The following SUPT3H variants were observed in gnomAD, a reference collection of about 807,000 sequenced individuals.
SUPT3H encodes SPT3 homolog, SAGA and STAGA complex component, also known as transcription initiation protein SPT3 homolog.
In SUPT3H, 44 loss-of-function variants were observed where a neutral mutation model predicts 44.3. That is an observed-to-expected ratio of 0.99 (90% CI 0.78 to 1.28). The LOEUF (loss-of-function observed/expected upper bound fraction) is 1.28. SUPT3H is among the 50% of genes most tolerant of loss of function. The pLI, the probability that SUPT3H is intolerant of heterozygous loss-of-function variation, is 0.00. For synonymous variants in SUPT3H, 124 were observed against 125.6 expected (o/e 0.99, Z 0.09); for missense variants, 380 against 387.1 (o/e 0.98, Z 0.15).
intron 2 of SUPT3H, among the ~76,000 whole-genome samples, chr6:45,260,434 T>C (rs916525063): frequency 3.9e-5 from 6 of 152,026 alleles, no homozygotes; most frequent in African/African-American, 7.2e-5. Context: ...AAAAAATCAA[T>C]GTACCTTTAA....
intron 3 of SUPT3H, among the ~76,000 whole-genome samples, chr6:45,073,508 C>A (rs1039149491): frequency 1.3e-5 from 2 of 151,888 alleles, no homozygotes; most frequent in African/African-American, 4.8e-5. Context: ...TTATGGCGAA[C>A]TGATAAAATA....
intron 6 of SUPT3H, among the ~76,000 whole-genome samples, chr6:44,975,207 T>A (rs1049128856): frequency 6.6e-6 from 1 of 150,618 alleles, no homozygotes; most frequent in Non-Finnish European, 1.5e-5. Flanking sequence ...GACGACCAGT[T>A]TATAGCTTTT....
intron 2 of SUPT3H, among the ~76,000 whole-genome samples, chr6:45,302,693 G>C (rs1189377952): frequency 6.6e-6 from 1 of 151,482 alleles, no homozygotes; most frequent in Non-Finnish European, 1.5e-5. Context: ...TTTTCCTCTG[G>C]GTAGATACCC....
intron 10 of SUPT3H, among the ~76,000 whole-genome samples, chr6:44,917,331 G>A (rs764064310): frequency 3.3e-5 from 5 of 152,132 alleles, no homozygotes; most frequent in Non-Finnish European, 5.9e-5. Flanking sequence ...AAATGAGACT[G>A]TATTTGAGAC....
At chr6:45,339,048 AAT>A (rs898806283) in intron 2 of SUPT3H, among the ~76,000 whole-genome samples, 1 of 152,180 alleles carries the variant, frequency 6.6e-6, no homozygotes, top group African/African-American at 2.4e-5. Flanking sequence ...TAAAAATAAG[AAT>A]ATTTACATTA....
intron 9 of SUPT3H, among the ~76,000 whole-genome samples, chr6:44,950,248 A>G (rs1466751615): frequency 6.6e-6 from 1 of 152,190 alleles, no homozygotes; most frequent in Non-Finnish European, 1.5e-5. Context: ...TCCTTTAGAC[A>G]TGCTCCACTG....
chr6:45,082,479 A>C (rs960076207), intron 3 of SUPT3H, among the ~76,000 whole-genome samples: 1 of 64,368 alleles, frequency 1.6e-5, no homozygotes, highest in Non-Finnish European at 2.9e-5. Context: ...CCTGAGATGC[A>C]ATGTTTGTTC....
chr6:44,864,605 G>C (rs1775196730), intron 10 of SUPT3H, among the ~76,000 whole-genome samples: 1 of 152,204 alleles, frequency 6.6e-6, no homozygotes, highest in Admixed American at 6.5e-5. Context: ...CCACGTGGCA[G>C]CTGCCAAGGC....
At chr6:45,171,713 C>CTTATTTT (rs1810794583) in intron 2 of SUPT3H, among the ~76,000 whole-genome samples, 1 of 93,474 alleles carries the variant, frequency 1.1e-5, no homozygotes, top group African/African-American at 4.5e-5. Context: ...ATTCCACTTG[C>CTTATTTT]TTTTTTTTTT....
At chr6:45,282,553 CA>C (rs1472349285) in intron 2 of SUPT3H, among the ~76,000 whole-genome samples, 2 of 152,054 alleles carry the variant, frequency 1.3e-5, no homozygotes, top group Admixed American at 1.3e-4. Flanking sequence ...TAAAAAGAAA[CA>C]AACAAAGCCT....
chr6:45,188,046 T>C (rs1343597743), intron 2 of SUPT3H, among the ~76,000 whole-genome samples: 1 of 152,246 alleles, frequency 6.6e-6, no homozygotes, highest in Non-Finnish European at 1.5e-5. Flanking sequence ...TTGTTAAGCC[T>C]GTACACACTT....
intron 2 of SUPT3H, among the ~76,000 whole-genome samples, chr6:45,239,921 T>G (rs112424947): frequency 0.02 from 3,103 of 152,308 alleles, 43 homozygotes; most frequent in Non-Finnish European, 0.032. Flanking sequence ...CATTATTGAC[T>G]TCAAATTTTT....
rs143392358 is a variant in SUPT3H at position 44,996,042 on chromosome 6, T to C, written c.504+7611A>G. ...ATACTATGAAAAACATTGTGATGAA[T>C]AGTTTTGTGCATATGAATGTGCACA... On this transcript the variant is annotated intron_variant, in intron 6 of 10. Transcript: ENST00000371459. Among the ~76,000 whole-genome samples the C allele has an allele frequency of 7.2e-5, 11 of 152,044 alleles. No homozygotes were observed. In the East Asian group the frequency reaches 2.1e-3, roughly 29 times the overall value.
chr6:44,888,812 G>A (rs1762771911), intron 10 of SUPT3H, among the ~76,000 whole-genome samples: 2 of 151,892 alleles, frequency 1.3e-5, no homozygotes, highest in African/African-American at 2.4e-5. Context: ...ATTAGGAAAA[G>A]AAGAAGTCAA....
At chr6:44,962,066 A>C (rs2153478000) in intron 6 of SUPT3H, among the ~76,000 whole-genome samples, 1 of 152,320 alleles carries the variant, frequency 6.6e-6, no homozygotes, top group South Asian at 2.1e-4. Flanking sequence ...TGAAACTAAA[A>C]CTAAAGGACC....
At chr6:45,070,469 C>G (rs562297872) in intron 3 of SUPT3H, among the ~76,000 whole-genome samples, 1 of 152,216 alleles carries the variant, frequency 6.6e-6, no homozygotes, top group East Asian at 1.9e-4. Context: ...TTTGGCCGGG[C>G]ATGGTGGCTC....
At chr6:45,130,086 T>TTG (rs1372762205) in intron 2 of SUPT3H, among the ~76,000 whole-genome samples, 1 of 152,196 alleles carries the variant, frequency 6.6e-6, no homozygotes, top group African/African-American at 2.4e-5. Flanking sequence ...TTTCTGGACA[T>TTG]TCACAGAGTT....
At chr6:45,173,151 CTG>C (rs1811111617) in intron 2 of SUPT3H, among the ~76,000 whole-genome samples, 1 of 152,104 alleles carries the variant, frequency 6.6e-6, no homozygotes, top group Non-Finnish European at 1.5e-5. Flanking sequence ...AAAAAAAACA[CTG>C]TTTTAATATC....
chr6:45,360,044 T>C (rs1220266980), intron 2 of SUPT3H, among the ~76,000 whole-genome samples: 1 of 152,228 alleles, frequency 6.6e-6, no homozygotes, highest in Non-Finnish European at 1.5e-5. Context: ...TAGTCACACA[T>C]AAACTGTTGA....
Sources: gnomAD v4.1 joint callset for allele counts (sites outside exome capture counted in the v4.1 genomes callset) on GRCh38, gnomAD v4.1.1 for gene constraint, MANE v1.5 for transcripts, NCBI Gene and HGNC (gene_info 2026-07-23, HGNC 2026-07-21) for gene names.